The following TMEM114 variants were observed in gnomAD, a reference collection of about 807,000 sequenced individuals.
TMEM114 encodes the protein transmembrane protein 114.
In TMEM114, 6 loss-of-function variants were observed where a neutral mutation model predicts 6.2. The observed-to-expected ratio is 0.97, with a 90% CI of 0.53 to 1.91. The LOEUF is 1.91. TMEM114 is among the 40% of genes most tolerant of loss of function. The pLI is 0.01. For synonymous variants in TMEM114, 104 were observed against 73.0 expected, an observed-to-expected ratio of 1.42 and a Z score of -2.16; for missense variants, 218 against 158.3, an observed-to-expected ratio of 1.38 and a Z score of -2.02.
chr16:8,587,480 G>T (rs1902352049), intron 2 of TMEM114, among the ~76,000 whole-genome samples: 1 of 152,160 alleles, frequency 6.6e-6, no homozygotes. Context: ...AAGTCAAGTT[G>T]GTGGGATAAA....
intron 2 of TMEM114, among the ~76,000 whole-genome samples, chr16:8,545,077 G>C (rs571294157): frequency 2.6e-5 from 4 of 152,160 alleles, no homozygotes; most frequent in African/African-American, 9.6e-5. Context: ...TGTTTCATCA[G>C]GCCTATATTG....
At chr16:8,562,689 G>C (rs28970873) in intron 2 of TMEM114, among the ~76,000 whole-genome samples, 1 of 149,906 alleles carries the variant, frequency 6.7e-6, no homozygotes, top group Non-Finnish European at 1.5e-5. Flanking sequence ...AGTGAGTGAG[G>C]GAATGAGTGA....
downstream of TMEM114, among the ~76,000 whole-genome samples, chr16:8,535,937 G>A (rs1055207708): frequency 1.3e-5 from 2 of 152,128 alleles, no homozygotes; most frequent in Non-Finnish European, 2.9e-5. Flanking sequence ...CAAAAATGAA[G>A]GGAGTGGGGA....
At chr16:8,568,316 G>A (rs1307414896), downstream of TMEM114, among the ~76,000 whole-genome samples, 2 of 152,182 alleles carry the variant, frequency 1.3e-5, no homozygotes, top group Non-Finnish European at 2.9e-5. Flanking sequence ...TCCTTTGAGT[G>A]TTTGTTGAAT....
chr16:8,538,412 A>G (rs1330549454), intron 2 of TMEM114, among the ~76,000 whole-genome samples: 2 of 152,138 alleles, frequency 1.3e-5, no homozygotes, highest in African/African-American at 4.8e-5. Context: ...GAGAAGTGTC[A>G]TCGTGTTCCC....
intron 3 of TMEM114, among the ~76,000 whole-genome samples, chr16:8,570,318 T>C (rs1035451914): frequency 1.4e-4 from 12 of 83,860 alleles, no homozygotes; most frequent in Non-Finnish European, 2.4e-4. Flanking sequence ...TTGCATTCTT[T>C]TGTGTAATTT....
chr16:8,568,283 C>G (rs1173943224), downstream of TMEM114, among the ~76,000 whole-genome samples: 1 of 152,290 alleles, frequency 6.6e-6, no homozygotes, highest in Admixed American at 6.5e-5. Flanking sequence ...ATTGCCCCCC[C>G]AGTTGCTGGT....
chr16:8,559,837 G>A (rs546765697), intron 2 of TMEM114, among the ~76,000 whole-genome samples: 5 of 152,304 alleles, frequency 3.3e-5, no homozygotes, highest in Admixed American at 3.3e-4. Flanking sequence ...TGCAGCACCA[G>A]GACAAGGACT....
intron 2 of TMEM114, among the ~76,000 whole-genome samples, chr16:8,550,547 G>A (rs996070161): frequency 6.6e-6 from 1 of 152,140 alleles, no homozygotes; most frequent in South Asian, 2.1e-4. Flanking sequence ...GTGTGGTGGT[G>A]CATGCCTGTA....
At chr16:8,556,034 G>A (rs1901000128) in intron 2 of TMEM114, among the ~76,000 whole-genome samples, 1 of 152,202 alleles carries the variant, frequency 6.6e-6, no homozygotes, top group Admixed American at 6.5e-5. Flanking sequence ...CTGTCGGCAT[G>A]CCTCCTGGCA....
At chr16:8,545,716 A>G (rs1900644354) in intron 2 of TMEM114, among the ~76,000 whole-genome samples, 1 of 152,198 alleles carries the variant, frequency 6.6e-6, no homozygotes, top group Non-Finnish European at 1.5e-5. Flanking sequence ...AGAATCAGTG[A>G]GCTATCTTAT....
intron 2 of TMEM114, among the ~76,000 whole-genome samples, chr16:8,564,385 G>A (rs554299004): frequency 6.8e-6 from 1 of 148,004 alleles, no homozygotes; most frequent in East Asian, 2.0e-4. Context: ...GAATGAGTGA[G>A]GGAATGAGTG....
downstream of TMEM114, among the ~76,000 whole-genome samples, chr16:8,569,281 T>C (rs1024694855): frequency 6.6e-6 from 1 of 152,152 alleles, no homozygotes; most frequent in Non-Finnish European, 1.5e-5. Context: ...AGACCTAACC[T>C]GACCCCGTAG....
intron 2 of TMEM114, among the ~76,000 whole-genome samples, chr16:8,561,912 A>G (rs1002246709): frequency 7.3e-5 from 10 of 136,338 alleles, no homozygotes; most frequent in South Asian, 7.3e-4. Context: ...GAGTGAATGA[A>G]TGAGTAAGTG....
rs1481820871 is a variant in TMEM114 at position 8,569,857 on chromosome 16, G to T, written c.588C>A (p.Phe196Leu). The part of the protein sequence containing the change: ...GWSLALGWIS[F>L]IAELLTGAAF... Reference sequence around the variant, plus strand: ...CTGCCCCGGTGAGCAGCTCGGCGATGAAGCTGATCCAGCCCAGGGCCAGGG... The same window carrying T: ...CTGCCCCGGTGAGCAGCTCGGCGATTAAGCTGATCCAGCCCAGGGCCAGGG... The change falls in exon 4 of 4, where the codon TTC (phenylalanine) becomes TTA (leucine). Residue 196 changes from phenylalanine (F) to leucine (L), a missense_variant. Physicochemically the swap from Phe to Leu is conservative, Grantham distance 22. Transcript: ENST00000620492. 38 of 1,550,970 alleles carry T rather than the reference G, an allele frequency of 2.5e-5. No homozygotes were observed. The highest frequency in any genetic ancestry group is 3.3e-5 in the Non-Finnish European group (38 of 1,146,976).
At chr16:8,553,090 C>A (rs928017133) in intron 2 of TMEM114, among the ~76,000 whole-genome samples, 2 of 152,182 alleles carry the variant, frequency 1.3e-5, no homozygotes, top group South Asian at 2.1e-4. Flanking sequence ...TGTTGCTCAC[C>A]CTTTGCTTGG....
intron 2 of TMEM114, among the ~76,000 whole-genome samples, chr16:8,548,196 G>A (rs1371407178): frequency 1.3e-5 from 2 of 152,144 alleles, no homozygotes; most frequent in African/African-American, 2.4e-5. Flanking sequence ...TGAGCAAGGG[G>A]CTTAGTTAGC....
At chr16:8,561,015 C>CT (rs1391859743) in intron 2 of TMEM114, among the ~76,000 whole-genome samples, 2 of 152,228 alleles carry the variant, frequency 1.3e-5, no homozygotes, top group African/African-American at 4.8e-5. Flanking sequence ...AGGGAAACCT[C>CT]TTAAAAACCA....
At chr16:8,528,987 T>C in the TMEM114 span, among the ~76,000 whole-genome samples, 2 of 152,216 alleles carry the variant, frequency 1.3e-5, no homozygotes, top group African/African-American at 2.4e-5. Context: ...GTCTATTTCA[T>C]GACAGCTGAG....
Sources: gnomAD v4.1 joint callset for allele counts (sites outside exome capture counted in the v4.1 genomes callset) on GRCh38, gnomAD v4.1.1 for gene constraint, MANE v1.5 for transcripts, NCBI Gene and HGNC (gene_info 2026-07-23, HGNC 2026-07-21) for gene names.